TOX: variants seen among roughly 807,000 people sequenced by gnomAD.
TOX encodes thymocyte selection associated high mobility group box, also known as thymocyte selection-associated high mobility group box protein TOX.
A neutral mutation model predicts 53.7 loss-of-function variants in TOX; 11 were observed. The observed-to-expected ratio is 0.20, with a 90% CI of 0.13 to 0.34. The LOEUF (loss-of-function observed/expected upper bound fraction) is 0.34. TOX is among the 10% of genes least tolerant of loss of function. The pLI, the probability that TOX is intolerant of heterozygous loss-of-function variation, is 1.00. For missense variants in TOX, 570 were observed against 664.6 expected, an observed-to-expected ratio of 0.86 and a Z score of 1.56; for synonymous variants, 225 against 245.3, an observed-to-expected ratio of 0.92 and a Z score of 0.77.
intron 7 of TOX, among the ~76,000 whole-genome samples, chr8:58,812,115 A>G (rs1302979672): frequency 2.0e-5 from 3 of 152,224 alleles, no homozygotes; most frequent in African/African-American, 7.2e-5. Context: ...GAATCAGGTC[A>G]GATTTTATCC....
intron 1 of TOX, among the ~76,000 whole-genome samples, chr8:59,083,876 T>A (rs981985442): frequency 3.3e-5 from 5 of 152,292 alleles, no homozygotes; most frequent in African/African-American, 1.2e-4. Flanking sequence ...GGAACAAGCC[T>A]CAGTGACAGA....
chr8:58,957,014 T>C (rs906776891), intron 2 of TOX, among the ~76,000 whole-genome samples: 2 of 152,212 alleles, frequency 1.3e-5, no homozygotes, highest in African/African-American at 2.4e-5. Context: ...GTCTAGATAT[T>C]GTCACCTCAA....
intron 4 of TOX, among the ~76,000 whole-genome samples, chr8:58,850,292 A>G (rs1810789139): frequency 1.3e-5 from 2 of 152,226 alleles, no homozygotes; most frequent in Non-Finnish European, 2.9e-5. Flanking sequence ...AAGGCACAGC[A>G]GAGCCCACAG....
chr8:59,014,562 A>G (rs1371707419), intron 1 of TOX, among the ~76,000 whole-genome samples: 2 of 152,250 alleles, frequency 1.3e-5, no homozygotes, highest in African/African-American at 2.4e-5. Context: ...AGCTACTGTT[A>G]TATCAAAACT....
intron 3 of TOX, among the ~76,000 whole-genome samples, chr8:58,868,955 G>T (rs1585870017): frequency 6.6e-6 from 1 of 150,880 alleles, no homozygotes; most frequent in Admixed American, 6.6e-5. Context: ...CAACAAAAAA[G>T]AAGACACAAA....
At chr8:59,044,169 G>T (rs1281539190) in intron 1 of TOX, among the ~76,000 whole-genome samples, 1 of 148,326 alleles carries the variant, frequency 6.7e-6, no homozygotes, top group African/African-American at 2.5e-5. Flanking sequence ...AAAAGCTATG[G>T]TGGTATCCTT....
chr8:59,028,696 A>T (rs936820963), intron 1 of TOX, among the ~76,000 whole-genome samples: 2 of 152,172 alleles, frequency 1.3e-5, no homozygotes, highest in African/African-American at 4.8e-5. Flanking sequence ...CTCAAAGCAG[A>T]AAAATAGACT....
In TOX at chr8:58,808,814, T is replaced by G. The variant is rs1810030969; in HGVS notation, c.1393-545A>C. ...TGTATTTCTCTCTCAGCTAAAAAAT[T>G]TCAACCAAAGCTTTTTAACAGTTGT... On this transcript the variant is annotated intron_variant, in intron 7 of 8. Coordinates refer to ENST00000361421, the MANE Select transcript of TOX (RefSeq NM_014729.3). 2.0e-5 allele frequency among the ~76,000 whole-genome samples: 3 copies of G among 152,190 alleles called. No homozygotes were observed. In the South Asian group the frequency reaches 6.2e-4, roughly 31 times the overall value.
intron 1 of TOX, among the ~76,000 whole-genome samples, chr8:59,051,212 G>A (rs1215637974): frequency 6.6e-6 from 1 of 152,040 alleles, no homozygotes; most frequent in East Asian, 1.9e-4. Flanking sequence ...GGCAGATTTG[G>A]TCCCTTAGAG....
At chr8:59,018,277 G>C (rs4738752) in intron 1 of TOX, among the ~76,000 whole-genome samples, 55,427 of 151,966 alleles carry the variant, frequency 0.36, 11,185 homozygotes, top group Non-Finnish European at 0.47. Context: ...CAAGAACCCA[G>C]GTGAGAAAGA....
chr8:59,094,981 AAGAAT>A (rs1390617970), intron 1 of TOX, among the ~76,000 whole-genome samples: 1 of 152,224 alleles, frequency 6.6e-6, no homozygotes, highest in Non-Finnish European at 1.5e-5. Flanking sequence ...TATAAAAACG[AAGAAT>A]AGTATTGGAT....
At chr8:58,910,550 G>A (rs1369545274) in intron 3 of TOX, among the ~76,000 whole-genome samples, 1 of 152,164 alleles carries the variant, frequency 6.6e-6, no homozygotes, top group Admixed American at 6.5e-5. Context: ...CTCATATTTT[G>A]TTGGGGCATG....
At chr8:59,009,463 C>T (rs1813858758) in intron 1 of TOX, among the ~76,000 whole-genome samples, 1 of 152,058 alleles carries the variant, frequency 6.6e-6, no homozygotes, top group Non-Finnish European at 1.5e-5. Flanking sequence ...ACCTCCGCCT[C>T]CCGGGTTCAA....
At chr8:58,873,124 T>C (rs16924153) in intron 3 of TOX, among the ~76,000 whole-genome samples, 32,643 of 152,088 alleles carry the variant, frequency 0.21, 3,772 homozygotes, top group African/African-American at 0.28. Flanking sequence ...TTCTTGCTCA[T>C]TGTACTTGTT....
At position 59,119,060 on chromosome 8, in the gene TOX, A is replaced by T; in HGVS notation, c.-73T>A. 9.5e-7 allele frequency: 1 copy of T among 1,048,948 alleles called. No homozygotes were observed. Among genetic ancestry groups the T allele is most frequent in the Non-Finnish European group, 1.4e-6 (1 of 696,006 alleles). 65.0% of individuals were successfully genotyped at this position (1,048,948 alleles called of 1,614,324 possible). ...AAAGTGTTCAGCAAAACAAGCTTAG[A>T]CGGAACAGAGTGAGGTGTCTGGGCT... On this transcript the variant is annotated 5_prime_UTR_variant, in exon 1 of 9. Transcript: ENST00000361421.
At chr8:59,052,952 C>T (rs893257336) in intron 1 of TOX, among the ~76,000 whole-genome samples, 1 of 151,930 alleles carries the variant, frequency 6.6e-6, no homozygotes, top group South Asian at 2.1e-4. Context: ...AATGAAAAAG[C>T]TTGAATAATG....
At chr8:58,977,955 GTGT>G (rs1813134644) in intron 1 of TOX, among the ~76,000 whole-genome samples, 1 of 152,186 alleles carries the variant, frequency 6.6e-6, no homozygotes, top group Admixed American at 6.5e-5. Flanking sequence ...TGAGCACATG[GTGT>G]TGTTAGAAAA....
chr8:59,012,146 T>A (rs1290822976), intron 1 of TOX, among the ~76,000 whole-genome samples: 1 of 152,188 alleles, frequency 6.6e-6, no homozygotes, highest in Non-Finnish European at 1.5e-5. Flanking sequence ...TAAAAATGCA[T>A]AAATGACCTG....
intron 2 of TOX, among the ~76,000 whole-genome samples, chr8:58,941,866 A>G (rs982089131): frequency 2.0e-5 from 3 of 152,098 alleles, no homozygotes; most frequent in Admixed American, 6.6e-5. Flanking sequence ...CAGCCTGGTC[A>G]ATATGGTGAA....
Sources: gnomAD v4.1 joint callset for allele counts (sites outside exome capture counted in the v4.1 genomes callset) on GRCh38, gnomAD v4.1.1 for gene constraint, MANE v1.5 for transcripts, NCBI Gene and HGNC (gene_info 2026-07-23, HGNC 2026-07-21) for gene names.